NUP133: variants seen among roughly 807,000 people sequenced by gnomAD.
NUP133 encodes the protein nuclear pore complex protein Nup133.
NUP133 carries 66 observed loss-of-function variants against 146.2 expected under a neutral mutation model. The observed-to-expected ratio is 0.45, with a 90% CI of 0.37 to 0.55. NUP133 has a LOEUF of 0.55. Among genes scored for constraint, NUP133 ranks in the 20% least tolerant of loss-of-function variants. The pLI is 0.00. For missense variants in NUP133, 1,277 were observed against 1,374.8 expected (o/e 0.93, Z 1.12); for synonymous variants, 521 against 498.8 (o/e 1.04, Z -0.59).
intron 25 of NUP133, among the ~76,000 whole-genome samples, chr1:229,444,208 G>A (rs1026574004): frequency 2.0e-5 from 3 of 151,988 alleles, no homozygotes; most frequent in African/African-American, 7.3e-5. Context: ...GTGCGTGCCT[G>A]TAATCCCAGC....
At chr1:229,470,876 C>A in intron 14 of NUP133, 72 bp from the exon 15 acceptor site, 2 of 1,379,734 alleles carry the variant, frequency 1.4e-6, no homozygotes, top group Non-Finnish European at 2.0e-6. Context: ...GCTGTATTTT[C>A]CCCAGAAGCA....
chr1:229,488,206 C>T (rs1367551172), intron 9 of NUP133, among the ~76,000 whole-genome samples: 2 of 152,096 alleles, frequency 1.3e-5, no homozygotes, highest in African/African-American at 4.8e-5. Context: ...ATGACTATAA[C>T]TAGAAGCCTA....
At chr1:229,466,448 G>A (rs1660829787) in intron 16 of NUP133, among the ~76,000 whole-genome samples, 186 bp downstream of exon 16, 1 of 152,110 alleles carries the variant, frequency 6.6e-6, no homozygotes, top group Non-Finnish European at 1.5e-5. Context: ...TAGGCACCAG[G>A]CTAACATTCA....
At position 229,468,114 on chromosome 1, in the gene NUP133, G is replaced by C. The variant is rs548849310; in HGVS notation, c.2077-1358C>G. On this transcript the variant is annotated intron_variant, in intron 15 of 25. Transcript: ENST00000261396. ...GCTCTGCTTTTCCAGAGCCCTGGGA[G>C]GTACAAGGCCTTCCCAAACTGGAGA... Among the ~76,000 whole-genome samples the C allele has an allele frequency of 2.6e-5, 4 of 152,212 alleles. No individual in the cohort carries two copies. In the East Asian group the frequency reaches 7.7e-4, roughly 29 times the overall value.
At chr1:229,459,477 A>C (rs1393246692) in intron 20 of NUP133, among the ~76,000 whole-genome samples, 5 of 152,164 alleles carry the variant, frequency 3.3e-5, no homozygotes, top group African/African-American at 1.2e-4. Context: ...AATTGAGCTG[A>C]GTTCCTTATA....
intron 21 of NUP133, among the ~76,000 whole-genome samples, chr1:229,453,624 G>C (rs1056091096): frequency 6.6e-6 from 1 of 152,166 alleles, no homozygotes; most frequent in African/African-American, 2.4e-5. Flanking sequence ...ACTTTAATTG[G>C]GGTTTTAATT....
intron 13 of NUP133, 78 bp downstream of exon 13, chr1:229,477,519 T>A: frequency 9.1e-7 from 1 of 1,099,908 alleles, no homozygotes; most frequent in Non-Finnish European, 1.2e-6. Context: ...AGCTAAAAAA[T>A]ATGCTTTAAG....
intron 24 of NUP133, among the ~76,000 whole-genome samples, chr1:229,446,238 C>T (rs560065758): frequency 6.6e-6 from 1 of 152,138 alleles, no homozygotes; most frequent in East Asian, 1.9e-4. Context: ...GAAACCCGGT[C>T]TCTACTAAAA....
At chr1:229,462,169 C>T (rs73114353) in intron 19 of NUP133, among the ~76,000 whole-genome samples, 8,861 of 152,296 alleles carry the variant, frequency 0.058, 779 homozygotes, top group African/African-American at 0.19. Flanking sequence ...CAGGCGTGAG[C>T]CACCTTGCCC....
At position 229,441,926 on chromosome 1, in the gene NUP133, T is replaced by C. The variant is rs1471807188; in HGVS notation, c.3449A>G (p.Tyr1150Cys). 1 of 1,580,454 alleles carries C rather than the reference T, an allele frequency of 6.3e-7. No homozygotes were observed. Among genetic ancestry groups the C allele is most frequent in the African/African-American group, 1.4e-5 (1 of 72,918 alleles). Residue 1150 changes from tyrosine (Y) to cysteine (C), a missense_variant, in exon 26 of 26, where the codon TAT (tyrosine) becomes TGT (cysteine). Physicochemically the swap from Tyr to Cys is radical, Grantham distance 194 (BLOSUM62 -2). Around this residue, in one of 3 missense-constraint regions of NUP133, gnomAD observed 952 missense variants for 1,047.0 expected, o/e 0.91. Coordinates refer to ENST00000261396, the MANE Select transcript of NUP133 (RefSeq NM_018230.3). ...AAGTTATATTTGTCCCTGAACATAA[T>C]ATTCATAATTTGCTTTCAAAACAAA... ...FEFVLKANYEYYVQGQI is the reference protein window; with the variant it reads ...FEFVLKANYECYVQGQI
At chr1:229,467,698 G>A (rs991526787) in intron 15 of NUP133, among the ~76,000 whole-genome samples, 1 of 152,062 alleles carries the variant, frequency 6.6e-6, no homozygotes, top group African/African-American at 2.4e-5. Context: ...CTTTGGAGGT[G>A]GGTGGATCAC....
Position 229,508,054 on chromosome 1 carries a change from G to C in NUP133, c.182+14C>G, listed in dbSNP as rs1661990928. 2.7e-6 allele frequency: 4 copies of C among 1,478,446 alleles called. No individual in the cohort carries two copies. In the South Asian group the frequency reaches 4.1e-5, roughly 15 times the overall value. The allele number at this position is 1,478,446 out of a possible 1,614,324, so 91.6% of individuals were successfully genotyped here. ...GGCTGTTGGTTGCCAGACCCAACCA[G>C]GGAGATCACTTACCGCGAGCTTAGC... On this transcript the variant is annotated intron_variant, in intron 1 of 25. Transcript: ENST00000261396.
rs1257531095 is a variant in NUP133, at chr1:229,460,636, T to C, written c.2819A>G (p.Glu940Gly). The change falls in exon 20 of 26, where the codon GAA (glutamate) becomes GGA (glycine). Residue 940 changes from glutamate (E) to glycine (G), a missense_variant. Transcript: ENST00000261396. The stretch of plus-strand genomic sequence containing the variant: ...CTTTTCTAATTCTTGGCTATTAATT[T>C]CATGTAACCAGCTGAGATGTTCATG... Reference protein sequence around the residue: ...QAHEHLSWLHEINSQELEKAH... With the variant: ...QAHEHLSWLHGINSQELEKAH... 3 of 1,613,664 alleles carry C rather than the reference T, an allele frequency of 1.9e-6. No individual in the cohort carries two copies. Among genetic ancestry groups the C allele is most frequent in the Non-Finnish European group, 2.5e-6 (3 of 1,179,904 alleles).
chr1:229,466,446 A>G (rs1013480622), intron 16 of NUP133, among the ~76,000 whole-genome samples, 188 bp downstream of exon 16: 1 of 152,262 alleles, frequency 6.6e-6, no homozygotes, highest in Non-Finnish European at 1.5e-5. Context: ...AATAGGCACC[A>G]GGCTAACATT....
Position 229,484,215 on chromosome 1 carries a change from G to C in NUP133, c.1501-70C>G, listed in dbSNP as rs142322019. The C allele has an allele frequency of 2.2e-3, 2,407 of 1,086,668 alleles. 2 individuals carry two copies. The highest frequency in any genetic ancestry group is 2.8e-3 in the Non-Finnish European group (2,040 of 723,914). 67.3% of individuals were successfully genotyped at this position (1,086,668 alleles called of 1,614,324 possible). A position where few individuals can be genotyped will look rare whatever the true frequency, so the allele number is the denominator to read the frequency against. On this transcript the variant is annotated intron_variant, in intron 11 of 25. Transcript: ENST00000261396. Reference sequence around the variant, plus strand: ...ATTCTTAATTATTGGACTAAAAACTGCACCCATCCTATGATAGCAACTCCG... The same window carrying C: ...ATTCTTAATTATTGGACTAAAAACTCCACCCATCCTATGATAGCAACTCCG...
intron 4 of NUP133, 26 bp from the exon 5 acceptor site, chr1:229,499,844 C>A (rs1364132554): frequency 1.2e-6 from 2 of 1,603,522 alleles, no homozygotes; most frequent in Admixed American, 1.7e-5. Context: ...CAACAATCAG[C>A]AATCACAATA....
intron 12 of NUP133, among the ~76,000 whole-genome samples, chr1:229,480,982 TCA>T (rs771109703): frequency 6.6e-5 from 10 of 151,398 alleles, no homozygotes; most frequent in Non-Finnish European, 1.2e-4. Context: ...GTGTGAACCA[TCA>T]CACCCGGCCT....
intron 15 of NUP133, among the ~76,000 whole-genome samples, chr1:229,468,605 T>C (rs1660880400): frequency 6.6e-6 from 1 of 152,216 alleles, no homozygotes. Flanking sequence ...CAGACCCTTC[T>C]CCAATAATTC....
chr1:229,442,834 T>TA (rs1660214954), intron 25 of NUP133, among the ~76,000 whole-genome samples: 1 of 151,704 alleles, frequency 6.6e-6, no homozygotes, highest in Admixed American at 6.6e-5. Flanking sequence ...GCCACCCCGG[T>TA]AACTAGGATT....
Sources: allele counts gnomAD v4.1 joint callset (sites outside exome capture counted in the v4.1 genomes callset), GRCh38; gene constraint gnomAD v4.1.1; regional missense constraint gnomAD v4.1.1; transcripts MANE v1.5; gene names NCBI Gene and HGNC (gene_info 2026-07-23, HGNC 2026-07-21).